Variants in UTRN observed in about 807,000 individuals in gnomAD.
The protein encoded by UTRN is dystrophin-related protein 1.
In UTRN, 283 loss-of-function variants were observed where a neutral mutation model predicts 463.9. That is an observed-to-expected ratio of 0.61 (90% CI 0.55 to 0.67). The LOEUF is 0.67. Ranked by LOEUF, UTRN falls within the 30% of genes least tolerant of loss-of-function variation. The pLI is 0.00. For synonymous variants in UTRN, 1,442 were observed against 1,431.5 expected, an observed-to-expected ratio of 1.01 and a Z score of -0.17; for missense variants, 3,922 against 4,084.3, an observed-to-expected ratio of 0.96 and a Z score of 1.08.
chr6:144,762,508 G>A (rs189118358), intron 58 of UTRN, among the ~76,000 whole-genome samples: 30 of 152,294 alleles, frequency 2.0e-4, no homozygotes, highest in African/African-American at 5.3e-4. Flanking sequence ...ACTCCACACT[G>A]CCGTTGTATA....
At chr6:144,692,352 A>T (rs139810700) in intron 52 of UTRN, among the ~76,000 whole-genome samples, 1 of 152,228 alleles carries the variant, frequency 6.6e-6, no homozygotes, top group Non-Finnish European at 1.5e-5. Flanking sequence ...TACAATGAAC[A>T]TACATATGCA....
chr6:144,634,070 C>G (rs1471039686), intron 51 of UTRN, among the ~76,000 whole-genome samples: 1 of 152,260 alleles, frequency 6.6e-6, no homozygotes, highest in African/African-American at 2.4e-5. Context: ...CAGCCCCATT[C>G]AGGCAAACTA....
intron 58 of UTRN, among the ~76,000 whole-genome samples, chr6:144,765,355 T>G (rs1004094531): frequency 6.6e-6 from 1 of 152,242 alleles, no homozygotes; most frequent in East Asian, 1.9e-4. Flanking sequence ...GTAGCCTATT[T>G]CTATATAGTC....
chr6:144,762,080 C>T (rs765932878), intron 58 of UTRN, among the ~76,000 whole-genome samples: 23 of 151,998 alleles, frequency 1.5e-4, no homozygotes, highest in Non-Finnish European at 1.9e-4. Flanking sequence ...TCTCATTAGC[C>T]AAGTGAAGTA....
At chr6:144,316,194 CA>C (rs898107355) in intron 2 of UTRN, among the ~76,000 whole-genome samples, 3 of 151,944 alleles carry the variant, frequency 2.0e-5, no homozygotes, top group East Asian at 1.9e-4. Context: ...TGCAAGAAAA[CA>C]AAAAAAGTCT....
chr6:144,514,026 G>A lies in UTRN; in HGVS notation c.5062G>A (p.Glu1688Lys). ...IEKKPTSKQE[E>K]IVKRLVSELD... The stretch of plus-strand genomic sequence containing the variant: ...AAAGAAACCAACAAGTAAACAGGAA[G>A]AAATTGTGAAGGTAGCAAACACAGA... Residue 1688 changes from glutamate to lysine, a missense_variant, in exon 36 of 75, where the codon GAA becomes AAA. By Grantham distance (56) the Glu-to-Lys change is moderately conservative. Coordinates refer to ENST00000367545, the MANE Select transcript of UTRN (RefSeq NM_007124.3). 6.2e-7 allele frequency: 1 copy of A among 1,613,840 alleles called. No homozygotes were observed. The highest frequency in any genetic ancestry group is 8.5e-7 in the Non-Finnish European group (1 of 1,179,842).
At chr6:144,540,674 A>C (rs574874399) in intron 45 of UTRN, among the ~76,000 whole-genome samples, 22 of 152,324 alleles carry the variant, frequency 1.4e-4, no homozygotes, top group African/African-American at 5.3e-4. Flanking sequence ...TGGAAGTTTC[A>C]TCTTATTATT....
chr6:144,687,728 G>T (rs184556754), intron 52 of UTRN, among the ~76,000 whole-genome samples: 1 of 152,034 alleles, frequency 6.6e-6, no homozygotes, highest in East Asian at 1.9e-4. Context: ...CTGTTCATTC[G>T]ATAAGTTTTT....
At chr6:144,761,353 G>T (rs1010223970) in intron 58 of UTRN, among the ~76,000 whole-genome samples, 2 of 152,002 alleles carry the variant, frequency 1.3e-5, no homozygotes, top group African/African-American at 4.8e-5. Context: ...TGTATTCAGG[G>T]TTTAAGAACA....
chr6:144,848,731 C>A (rs747331637), intron 74 of UTRN, among the ~76,000 whole-genome samples: 1 of 152,080 alleles, frequency 6.6e-6, no homozygotes, highest in African/African-American at 2.4e-5. Context: ...GCCTAAAGAA[C>A]CAAGAAGCCA....
chr6:144,461,869 AT>A (rs572736953), intron 22 of UTRN, among the ~76,000 whole-genome samples: 1 of 151,856 alleles, frequency 6.6e-6, no homozygotes, highest in Non-Finnish European at 1.5e-5. Context: ...GATTATGCCT[AT>A]TTTTTTCATG....
chr6:144,622,182 T>TTG (rs1219301630), intron 51 of UTRN, among the ~76,000 whole-genome samples: 33 of 115,388 alleles, frequency 2.9e-4, no homozygotes, highest in African/African-American at 1.2e-3. Context: ...TTTTTTTTTG[T>TTG]TGTTTTTTTT....
intron 50 of UTRN, among the ~76,000 whole-genome samples, chr6:144,559,455 T>C (rs944583985): frequency 6.6e-6 from 1 of 152,290 alleles, no homozygotes; most frequent in Non-Finnish European, 1.5e-5. Context: ...GAGTTTTCTC[T>C]TTTAAACCCA....
intron 2 of UTRN, among the ~76,000 whole-genome samples, chr6:144,356,904 C>T (rs1778605495): frequency 6.8e-6 from 1 of 147,708 alleles, no homozygotes; most frequent in Non-Finnish European, 1.5e-5. Flanking sequence ...TATATACACA[C>T]ACACATACTG....
chr6:144,657,494 T>G (rs1387294270), intron 51 of UTRN, among the ~76,000 whole-genome samples: 1 of 152,164 alleles, frequency 6.6e-6, no homozygotes, highest in East Asian at 1.9e-4. Flanking sequence ...ACTCAGGTAC[T>G]TATCAGGCTG....
At chr6:144,423,942 T>G (rs577115970) in intron 5 of UTRN, 44 bp from the exon 6 acceptor site, 1 of 1,588,646 alleles carries the variant, frequency 6.3e-7, no homozygotes, top group Non-Finnish European at 8.6e-7. Flanking sequence ...GAAGAAATTG[T>G]CTTAAAAGCG....
At chr6:144,316,287 A>G (rs1443291015) in intron 2 of UTRN, among the ~76,000 whole-genome samples, 1 of 152,210 alleles carries the variant, frequency 6.6e-6, no homozygotes, top group Non-Finnish European at 1.5e-5. Flanking sequence ...CTGACCCCAT[A>G]GCTCTCATTC....
intron 73 of UTRN, among the ~76,000 whole-genome samples, chr6:144,843,452 T>G (rs759277308): frequency 6.6e-6 from 1 of 152,190 alleles, no homozygotes; most frequent in Admixed American, 6.6e-5. Flanking sequence ...CAGAACATTA[T>G]TAAAAATAAA....
At chr6:144,509,596 G>A (rs1795006409) in intron 34 of UTRN, among the ~76,000 whole-genome samples, 1 of 151,964 alleles carries the variant, frequency 6.6e-6, no homozygotes, top group South Asian at 2.1e-4. Flanking sequence ...TGAAACATCA[G>A]TATATATTAA....
Sources: gnomAD v4.1 joint callset for allele counts (sites outside exome capture counted in the v4.1 genomes callset) on GRCh38, gnomAD v4.1.1 for gene constraint, MANE v1.5 for transcripts, NCBI Gene and HGNC (gene_info 2026-07-23, HGNC 2026-07-21) for gene names.